The following TTC14 variants were observed in gnomAD, a reference collection of about 807,000 sequenced individuals.
TTC14 encodes tetratricopeptide repeat domain 14.
Under a neutral mutation model 79.9 loss-of-function variants are expected in TTC14, and 63 were observed. That is an observed-to-expected ratio of 0.79 (90% CI 0.64 to 0.97). TTC14 has a LOEUF of 0.97. Ranked by LOEUF, TTC14 falls within the 50% of genes least tolerant of loss-of-function variation. TTC14 has a pLI of 0.00. For missense variants in TTC14, 895 were observed against 894.0 expected, an observed-to-expected ratio of 1.00 and a Z score of -0.01; for synonymous variants, 335 against 309.6, an observed-to-expected ratio of 1.08 and a Z score of -0.86.
At chr3:180,617,411 A>G in exon 13 of TTC14, 1 of 662,296 alleles carries the variant, frequency 1.5e-6, no homozygotes. Flanking sequence ...AGTTAACTAT[A>G]AAACAGCCTC....
intron 12 of TTC14, chr3:180,617,024 G>T: frequency 6.6e-6 from 6 of 911,432 alleles, no homozygotes; most frequent in South Asian, 4.3e-5. Flanking sequence ...TTTATAACTT[G>T]TCATTTATCA....
chr3:180,603,198 C>T lies in TTC14; in HGVS notation c.361C>T (p.Arg121Ter), dbSNP rs1233598463. ...PSMDRRELFF[R>*]DIERGDIVIG... Reference sequence around the variant, plus strand: ...TATGGATCGGAGAGAGCTGTTTTTCCGAGATATTGAGCGTGGTGATATAGT... The same window carrying T: ...TATGGATCGGAGAGAGCTGTTTTTCTGAGATATTGAGCGTGGTGATATAGT... The change falls in exon 3 of 12, where the codon CGA becomes TGA. Residue 121 changes from arginine to a stop codon, truncating the protein, a stop_gained. Coordinates refer to ENST00000296015, the MANE Select transcript of TTC14 (RefSeq NM_133462.4). LOFTEE classifies it high-confidence loss of function. 6.2e-7 allele frequency: 1 copy of T among 1,613,778 alleles called. No individual in the cohort carries two copies. The highest frequency in any genetic ancestry group is 8.5e-7 in the Non-Finnish European group (1 of 1,179,986).
Position 180,610,435 on chromosome 3 carries a change from G to C in TTC14, c.2206G>C (p.Glu736Gln). Residue 736 changes from glutamate to glutamine, a missense_variant, in exon 12 of 12, where the codon GAA (glutamate) becomes CAA (glutamine). Physicochemically the swap from Glu to Gln is conservative, Grantham distance 29. Coordinates refer to ENST00000296015, the MANE Select transcript of TTC14 (RefSeq NM_133462.4). ...VPEEDALSSK[E>Q]HSESSVKKNL... ...AGAAGAAGATGCACTAAGTAGCAAA[G>C]AACACTCAGAAAGCAGTGTTAAGAA... is the stretch of plus-strand genomic sequence containing the variant. The C allele has an allele frequency of 6.2e-7, 1 of 1,613,516 alleles. No homozygotes were observed. The highest frequency in any genetic ancestry group is 1.7e-5 in the Admixed American group (1 of 59,942).
intron 12 of TTC14, chr3:180,617,042 ATTTAAT>A (rs1717274379): frequency 1.2e-6 from 1 of 802,340 alleles, no homozygotes; most frequent in East Asian, 2.8e-5. Flanking sequence ...TCAAGTATTC[ATTTAAT>A]TTTAATTCAT....
chr3:180,610,318 A>G lies in TTC14; in HGVS notation c.2089A>G (p.Ser697Gly), dbSNP rs200613480. ...KYAHSGSRDFSRHEQRYRLNT... is the reference protein window; with the variant it reads ...KYAHSGSRDFGRHEQRYRLNT... ...CGCTCACTCTGGATCACGTGATTTC[A>G]GTAGACATGAGCAAAGATACCGTTT... Residue 697 changes from serine (S) to glycine (G), a missense_variant, in exon 12 of 12, where the codon AGT (serine) becomes GGT (glycine). Ser to Gly is a moderately conservative substitution (Grantham distance 56, BLOSUM62 0). Transcript: ENST00000296015. 1.7e-4 allele frequency: 277 copies of G among 1,613,372 alleles called. 3 individuals carry two copies. In the Middle Eastern group the frequency reaches 4.5e-3, roughly 26 times the overall value.
At chr3:180,612,661 C>G (rs1433756192), downstream of TTC14, among the ~76,000 whole-genome samples, 1 of 152,138 alleles carries the variant, frequency 6.6e-6, no homozygotes, top group East Asian at 1.9e-4. Context: ...CGCTTGAGCC[C>G]AGGAGTTCGA....
rs1560076436 is a variant in TTC14 at position 180,610,532 on chromosome 3, C to A, written c.2303C>A (p.Ser768Ter). 6.4e-7 allele frequency: 1 copy of A among 1,568,196 alleles called. No individual in the cohort carries two copies. The highest frequency in any genetic ancestry group is 2.2e-5 in the East Asian group (1 of 44,640). Residue 768 changes from serine (S) to a stop codon, truncating the protein, a stop_gained, in exon 12 of 12, where the codon TCA (serine) becomes TAA (stop). Transcript: ENST00000296015. LOFTEE classifies it high-confidence loss of function. ...AEFEKEKGNK[S>*]KN ...TTTGAAAAAGAAAAAGGAAATAAGT[C>A]AAAAAATTAATACACCAAGGATATC...
chr3:180,607,680 A>C lies in TTC14; in HGVS notation c.1205A>C (p.Glu402Ala), dbSNP rs375488303. Residue 402 changes from glutamate to alanine, a missense_variant, in exon 10 of 12, where the codon GAA becomes GCA. By Grantham distance (107) the Glu-to-Ala change is moderately radical (BLOSUM62 -1). Coordinates refer to ENST00000296015, the MANE Select transcript of TTC14 (RefSeq NM_133462.4). ...GAAGAAGAAAAGTTTTTAAATGCTG[A>C]AAGTTACTATAAGAAAGCTTTGGCT... The part of the protein sequence containing the change: ...LEEEEKFLNA[E>A]SYYKKALALD... 1.2e-5 allele frequency: 19 copies of C among 1,606,080 alleles called. No homozygotes were observed. The highest frequency in any genetic ancestry group is 1.6e-5 in the Non-Finnish European group (19 of 1,177,696).
At chr3:180,616,466 T>C (rs1386537048) in intron 12 of TTC14, 10 of 1,500,206 alleles carry the variant, frequency 6.7e-6, no homozygotes, top group Non-Finnish European at 8.0e-6. Context: ...ATGAAAGTTT[T>C]TATTTTCATG....
intron 5 of TTC14, 81 bp from the exon 6 acceptor site, chr3:180,604,771 C>T (rs1340266938): frequency 1.4e-6 from 2 of 1,473,054 alleles, no homozygotes; most frequent in East Asian, 2.3e-5. Context: ...AGTATTTAAA[C>T]CTCAAATGAT....
chr3:180,614,917 A>G, downstream of TTC14: 1 of 1,554,920 alleles, frequency 6.4e-7, no homozygotes, highest in Non-Finnish European at 8.7e-7. Context: ...AGAGATTAAA[A>G]TGTTTATTTG....
Position 180,602,397 on chromosome 3 carries a change from C to T in TTC14, c.136C>T (p.Pro46Ser), listed in dbSNP as rs1369625961. Residue 46 changes from proline to serine, a missense_variant, in exon 1 of 12, where the codon CCG (proline) becomes TCG (serine). Pro to Ser is a moderately conservative substitution (Grantham distance 74). Transcript: ENST00000296015. ...GGCCGCCGAGCCAGCCCGGGGCCCG[C>T]CGCCCCAGCACCCGTTGCAGGGCAG... ...GSAAEPARGP[P>S]PQHPLQGRKE... is the part of the protein sequence containing the mutation. 1 of 1,608,276 alleles carries T rather than the reference C, an allele frequency of 6.2e-7. No individual in the cohort carries two copies. The highest frequency in any genetic ancestry group is 8.5e-7 in the Non-Finnish European group (1 of 1,179,302).
Position 180,604,886 on chromosome 3 carries a change from T to C in TTC14, c.736T>C (p.Ser246Pro), listed in dbSNP as rs749959631. 6.8e-6 allele frequency: 11 copies of C among 1,613,306 alleles called. No individual in the cohort carries two copies. In the South Asian group the frequency reaches 1.1e-4, roughly 16 times the overall value. The stretch of plus-strand genomic sequence containing the variant: ...TGAGCTAAATAGCAATTCTTTGGAG[T>C]CCTATGAAAATGTCATGCAGAGTTC... ...SVELNSNSLE[S>P]YENVMQSSLG... Residue 246 changes from serine (S) to proline (P), a missense_variant, in exon 6 of 12, where the codon TCC (serine) becomes CCC (proline). Coordinates refer to ENST00000296015, the MANE Select transcript of TTC14 (RefSeq NM_133462.4).
At chr3:180,608,569 T>A (rs1305842129) in intron 10 of TTC14, 132 bp from the exon 11 acceptor site, 10 of 1,302,940 alleles carry the variant, frequency 7.7e-6, no homozygotes, top group Non-Finnish European at 9.8e-6. Flanking sequence ...AAAATACTGT[T>A]TAATGCTGGC....
Position 180,608,730 on chromosome 3 carries a change from T to G in TTC14, c.1320T>G (p.Ala440=). ...QKSLELREKQ[A]EKEEKQKTKK... ...CTTTGGAATTAAGAGAAAAACAAGC[T>G]GAAAAGGAAGAAAAGCAGAAAACAA... Residue 440 remains alanine (A), a synonymous_variant, in exon 11 of 12, where the codon GCT becomes GCG. Coordinates refer to ENST00000296015, the MANE Select transcript of TTC14 (RefSeq NM_133462.4). 6.5e-7 allele frequency: 1 copy of G among 1,548,270 alleles called. No individual in the cohort carries two copies. The highest frequency in any genetic ancestry group is 2.2e-5 in the Admixed American group (1 of 45,566).
intron 3 of TTC14, 91 bp from the exon 4 acceptor site, chr3:180,604,134 G>C (rs752876290): frequency 1.0e-5 from 11 of 1,076,742 alleles, no homozygotes; most frequent in Non-Finnish European, 1.6e-5. Context: ...TCAACTACTA[G>C]CTGTTTCATA....
At chr3:180,609,321 A>G in intron 11 of TTC14, 1 of 1,041,862 alleles carries the variant, frequency 9.6e-7, no homozygotes, top group Non-Finnish European at 1.2e-6. Context: ...CATGAACTAG[A>G]GGTAGCCAAA....
At chr3:180,612,368 C>T (rs1437554539), downstream of TTC14, among the ~76,000 whole-genome samples, 1 of 152,148 alleles carries the variant, frequency 6.6e-6, no homozygotes, top group Non-Finnish European at 1.5e-5. Context: ...GTAACCATCA[C>T]CCAAATGATG....
rs1437983469 is a variant in TTC14, at chr3:180,606,305, A to C, written c.982A>C (p.Asn328His). 6.2e-6 allele frequency: 10 copies of C among 1,614,024 alleles called. No homozygotes were observed. The highest frequency in any genetic ancestry group is 8.5e-6 in the Non-Finnish European group (10 of 1,180,010). Residue 328 changes from asparagine to histidine, a missense_variant, in exon 8 of 12, where the codon AAT (asparagine) becomes CAT (histidine). Asn to His is a moderately conservative substitution (Grantham distance 68). Coordinates refer to ENST00000296015, the MANE Select transcript of TTC14 (RefSeq NM_133462.4). The stretch of plus-strand genomic sequence containing the variant: ...AGTTGGACGCCATGTGGATGCTATG[A>C]ATGAATACAATAAAGCTTTGGAAAT... ...FKVGRHVDAM[N>H]EYNKALEIDK...
Sources: allele counts gnomAD v4.1 joint callset (sites outside exome capture counted in the v4.1 genomes callset), GRCh38; gene constraint gnomAD v4.1.1; transcripts MANE v1.5; gene names NCBI Gene and HGNC (gene_info 2026-07-23, HGNC 2026-07-21).